The following AMMECR1 variants were observed in gnomAD, a reference collection of about 807,000 sequenced individuals.
The protein encoded by AMMECR1 is nuclear protein AMMECR1.
A neutral mutation model predicts 22.5 loss-of-function variants in AMMECR1; 3 were observed. The ratio of observed to expected loss-of-function variants is 0.13; its 90% confidence interval spans 0.06 to 0.35. The LOEUF is 0.35. Among genes scored for constraint, AMMECR1 ranks in the 10% least tolerant of loss-of-function variants. The pLI, the probability that AMMECR1 is intolerant of heterozygous loss-of-function variation, is 1.00. For synonymous variants in AMMECR1, 130 were observed against 116.7 expected, an observed-to-expected ratio of 1.11 and a Z score of -0.74; for missense variants, 235 against 278.7, an observed-to-expected ratio of 0.84 and a Z score of 1.12.
intron 1 of AMMECR1, among the ~76,000 whole-genome samples, chrX:110,281,400 T>C (rs1323323938): frequency 8.9e-6 from 1 of 112,455 alleles, no homozygotes; most frequent in Non-Finnish European, 1.9e-5. Flanking sequence ...ATTGTATAGC[T>C]AAATACATAT....
At chrX:110,318,168 G>T (rs1191696281), upstream of AMMECR1, 10 of 811,852 alleles carry the variant, frequency 1.2e-5, no homozygotes, top group Non-Finnish European at 1.5e-5. Flanking sequence ...CCGGGGGCGC[G>T]CCAGAGGCTG....
At chrX:110,372,422 T>G (rs905622820) in intron 2 of AMMECR1, among the ~76,000 whole-genome samples, 5 of 112,203 alleles carry the variant, frequency 4.5e-5, no homozygotes, top group Non-Finnish European at 7.5e-5. Context: ...TGTGCATCCT[T>G]CCAGTATCTT....
intron 2 of AMMECR1, among the ~76,000 whole-genome samples, chrX:110,354,861 G>A (rs983246089): frequency 1.8e-5 from 2 of 111,672 alleles, no homozygotes; most frequent in African/African-American, 6.5e-5. Flanking sequence ...TTGAACATAC[G>A]ACCTGAAACT....
At chrX:110,342,201 T>A (rs971536761) in intron 2 of AMMECR1, among the ~76,000 whole-genome samples, 2 of 112,018 alleles carry the variant, frequency 1.8e-5, no homozygotes, top group African/African-American at 6.5e-5. Context: ...AACTTTATCA[T>A]AGATATGTAT....
chrX:110,314,974 C>T (rs1248090965), intron 1 of AMMECR1, among the ~76,000 whole-genome samples: 2 of 111,180 alleles, frequency 1.8e-5, no homozygotes, highest in Admixed American at 9.5e-5. Context: ...AAAGAGTGTG[C>T]GTTTACGTAT....
At chrX:110,292,223 G>C (rs190336252) in intron 1 of AMMECR1, among the ~76,000 whole-genome samples, 1 of 112,273 alleles carries the variant, frequency 8.9e-6, no homozygotes, top group Non-Finnish European at 1.9e-5. Flanking sequence ...TATCTCCAAG[G>C]ATGTGCAGCA....
intron 2 of AMMECR1, among the ~76,000 whole-genome samples, chrX:110,426,216 T>C (rs887929023): frequency 8.9e-6 from 1 of 112,494 alleles, no homozygotes; most frequent in Non-Finnish European, 1.9e-5. Context: ...TAATCATCGA[T>C]TCAGCCAGAG....
intron 1 of AMMECR1, among the ~76,000 whole-genome samples, chrX:110,437,134 A>C (rs767414381): frequency 2.1e-4 from 23 of 111,676 alleles, no homozygotes; most frequent in African/African-American, 7.2e-4. Flanking sequence ...AGCGAGAGGA[A>C]AGGCTTAGGA....
chrX:110,324,651 T>G (rs1457866060), intron 2 of AMMECR1, among the ~76,000 whole-genome samples: 4 of 109,246 alleles, frequency 3.7e-5, no homozygotes, highest in South Asian at 4.0e-4. Context: ...GTTGAGTGTT[T>G]TTTTTTTTTT....
chrX:110,426,430 T>C (rs1416434663), intron 2 of AMMECR1, among the ~76,000 whole-genome samples: 1 of 111,854 alleles, frequency 8.9e-6, no homozygotes, highest in Non-Finnish European at 1.9e-5. Context: ...CAAATAGTCA[T>C]GACCAGTGAC....
intron 2 of AMMECR1, among the ~76,000 whole-genome samples, chrX:110,414,447 C>T (rs2068663088): frequency 8.9e-6 from 1 of 112,472 alleles, no homozygotes; most frequent in Non-Finnish European, 1.9e-5. Context: ...TGATATGTAT[C>T]GAGTGTCTTC....
chrX:110,416,399 G>T (rs1429072116), intron 2 of AMMECR1, among the ~76,000 whole-genome samples: 2 of 112,112 alleles, frequency 1.8e-5, no homozygotes, highest in Non-Finnish European at 3.8e-5. Flanking sequence ...AAAAATGTTA[G>T]ATTATTTACT....
chrX:110,285,818 C>A (rs1231826683), intron 1 of AMMECR1, among the ~76,000 whole-genome samples: 1 of 111,086 alleles, frequency 9.0e-6, no homozygotes, highest in Non-Finnish European at 1.9e-5. Context: ...CCCCCAAGAG[C>A]ACCCTGGGAA....
At chrX:110,357,320 T>C (rs1395891997) in intron 2 of AMMECR1, among the ~76,000 whole-genome samples, 1 of 112,261 alleles carries the variant, frequency 8.9e-6, no homozygotes, top group Non-Finnish European at 1.9e-5. Context: ...AAGTAACCAC[T>C]TCATAAATCT....
At chrX:110,431,350 T>TGTGTGC (rs1396931766) in intron 1 of AMMECR1, among the ~76,000 whole-genome samples, 1 of 109,518 alleles carries the variant, frequency 9.1e-6, no homozygotes, top group African/African-American at 3.3e-5. Context: ...TGTGTGTGTG[T>TGTGTGC]GTGTGCTGGC....
intron 1 of AMMECR1, among the ~76,000 whole-genome samples, chrX:110,272,685 C>G (rs1284444474): frequency 9.0e-6 from 1 of 111,565 alleles, no homozygotes; most frequent in Non-Finnish European, 1.9e-5. Context: ...CTTTTGGAGT[C>G]TCCAGTGTCT....
At chrX:110,375,968 G>A (rs2068373833) in intron 2 of AMMECR1, among the ~76,000 whole-genome samples, 1 of 111,346 alleles carries the variant, frequency 9.0e-6, no homozygotes, top group Admixed American at 9.5e-5. Flanking sequence ...GTAATGCTAT[G>A]TCCTGTCTGT....
intron 2 of AMMECR1, among the ~76,000 whole-genome samples, chrX:110,218,295 G>T (rs1483531441): frequency 9.0e-6 from 1 of 110,867 alleles, no homozygotes; most frequent in Non-Finnish European, 1.9e-5. Flanking sequence ...GTTAAAAGAA[G>T]AAAAAGAGTA....
At chrX:110,360,837 T>C (rs2068258295) in intron 2 of AMMECR1, among the ~76,000 whole-genome samples, 1 of 110,996 alleles carries the variant, frequency 9.0e-6, no homozygotes, top group Admixed American at 9.6e-5. Flanking sequence ...AAATGGTGAA[T>C]TGAGAGACAT....
Sources: allele counts gnomAD v4.1 joint callset (sites outside exome capture counted in the v4.1 genomes callset), GRCh38; gene constraint gnomAD v4.1.1; transcripts MANE v1.5; gene names NCBI Gene and HGNC (gene_info 2026-07-23, HGNC 2026-07-21).